The following PKHD1 variants were observed in gnomAD, a reference collection of about 807,000 sequenced individuals.
PKHD1 encodes the protein fibrocystin.
Under a neutral mutation model 412.0 loss-of-function variants are expected in PKHD1, and 291 were observed. That is an observed-to-expected ratio of 0.71 (90% confidence interval 0.64 to 0.78). The LOEUF (loss-of-function observed/expected upper bound fraction) is 0.78, where lower values mean the gene tolerates loss of function less well. Among genes scored for constraint, PKHD1 ranks in the 30% least tolerant of loss-of-function variants. The pLI, the probability that PKHD1 is intolerant of heterozygous loss-of-function variation, is 0.00. For missense variants in PKHD1, 4,825 were observed against 4,950.7 expected, an observed-to-expected ratio of 0.97 and a Z score of 0.76; for synonymous variants, 1,777 against 1,821.5, an observed-to-expected ratio of 0.98 and a Z score of 0.62.
Position 52,058,580 on chromosome 6 carries a change from C to T in PKHD1, c.1255G>A (p.Val419Ile), listed in dbSNP as rs138672830. 121 of 1,614,116 alleles carry T rather than the reference C, an allele frequency of 7.5e-5. No homozygotes were observed. The highest frequency in any genetic ancestry group is 7.5e-4 in the African/African-American group (56 of 75,046). ...RTKVKVASIS[V>I]GTADWFDSWE... ...GAGTCAAACCAGTCAGCAGTGCCGA[C>T]GCTGATGGAGGCCACTTTCACCTAT... is the stretch of plus-strand genomic sequence containing the variant. The change falls in exon 16 of 67, where the codon GTC (valine) becomes ATC (isoleucine). Residue 419 changes from valine to isoleucine, a missense_variant. Val to Ile is a conservative substitution (Grantham distance 29). Coordinates refer to ENST00000371117, the MANE Select transcript of PKHD1 (RefSeq NM_138694.4).
chr6:52,043,778 C>T, intron 25 of PKHD1, 48 bp from the exon 26 acceptor site: 2 of 1,281,308 alleles, frequency 1.6e-6, no homozygotes, highest in Non-Finnish European at 2.3e-6. Context: ...TTCATATCTA[C>T]CAGGGTATTC....
intron 64 of PKHD1, among the ~76,000 whole-genome samples, chr6:51,633,234 C>T (rs1259634625): frequency 2.0e-5 from 3 of 152,048 alleles, no homozygotes; most frequent in Non-Finnish European, 4.4e-5. Context: ...GATAGAACTG[C>T]CGGCCATGAA....
chr6:51,731,088 T>C (rs1783183226), intron 60 of PKHD1, among the ~76,000 whole-genome samples: 1 of 152,152 alleles, frequency 6.6e-6, no homozygotes, highest in Non-Finnish European at 1.5e-5. Context: ...ACCTGGCTAA[T>C]ACTTTTTGTT....
chr6:51,636,570 C>CAACA (rs1472236912), intron 64 of PKHD1, among the ~76,000 whole-genome samples: 1 of 149,388 alleles, frequency 6.7e-6, no homozygotes, highest in Non-Finnish European at 1.5e-5. Context: ...ACAACAACAA[C>CAACA]AACAAACACA....
chr6:51,920,814 T>A (rs189167011), intron 37 of PKHD1, among the ~76,000 whole-genome samples: 24 of 152,340 alleles, frequency 1.6e-4, no homozygotes, highest in African/African-American at 5.8e-4. Context: ...GTTATTGGTC[T>A]ATTCAGGGAT....
rs767000676 is a variant in PKHD1 at position 52,050,118 on chromosome 6, C to A, written c.2279+39G>T. 3.1e-6 allele frequency: 5 copies of A among 1,608,910 alleles called. No homozygotes were observed. In the South Asian group the frequency reaches 5.5e-5, roughly 18 times the overall value. ...GTGTCCCTCAAGGCCAACAAGCATT[C>A]TTAGGAGAAGGGACAGGTGTAAAAA... On this transcript the variant is annotated intron_variant, in intron 22 of 66. Coordinates refer to ENST00000371117, the MANE Select transcript of PKHD1 (RefSeq NM_138694.4).
At chr6:51,874,222 C>T (rs1278870107) in intron 46 of PKHD1, among the ~76,000 whole-genome samples, 1 of 152,140 alleles carries the variant, frequency 6.6e-6, no homozygotes, top group Non-Finnish European at 1.5e-5. Flanking sequence ...ACAACGAAGA[C>T]AGCCATCCTA....
intron 3 of PKHD1, 94 bp from the exon 4 acceptor site, chr6:52,082,636 C>T: frequency 7.9e-7 from 1 of 1,259,022 alleles, no homozygotes; most frequent in Non-Finnish European, 1.2e-6. Context: ...TAATGTAAGA[C>T]ATTAAATTTG....
chr6:52,031,779 G>A (rs549089919), intron 29 of PKHD1, among the ~76,000 whole-genome samples: 14 of 152,234 alleles, frequency 9.2e-5, no homozygotes, highest in Non-Finnish European at 1.6e-4. Flanking sequence ...ACGACACTTC[G>A]TGGATTTTAT....
At chr6:51,834,606 G>A (rs1326604) in intron 51 of PKHD1, among the ~76,000 whole-genome samples, 145,633 of 152,210 alleles carry the variant, frequency 0.96, 70,007 homozygotes, top group East Asian at 1. Flanking sequence ...ACTGTTTTAC[G>A]TAGAGCTACT....
At chr6:51,757,629 T>C (rs997091624) in intron 55 of PKHD1, among the ~76,000 whole-genome samples, 3 of 152,146 alleles carry the variant, frequency 2.0e-5, no homozygotes, top group Non-Finnish European at 4.4e-5. Context: ...ATGCTGTTTA[T>C]TGCCTTGTGA....
At chr6:52,029,217 A>C (rs62406026) in intron 29 of PKHD1, among the ~76,000 whole-genome samples, 7,966 of 132,776 alleles carry the variant, frequency 0.06, 285 homozygotes, top group East Asian at 0.12. Context: ...GCTATTAATA[A>C]TTACTAAAAA....
chr6:51,687,725 AATGTTCTTGTCATAACATG>A (rs569259464), intron 60 of PKHD1, among the ~76,000 whole-genome samples: 102 of 152,334 alleles, frequency 6.7e-4, no homozygotes, highest in African/African-American at 2.1e-3. Flanking sequence ...ATCTGTGTCT[AATGTTCTTGTCATAACATG>A]ATGTTCTTGT....
chr6:51,954,423 G>A (rs1358633317), intron 36 of PKHD1, among the ~76,000 whole-genome samples: 17 of 152,034 alleles, frequency 1.1e-4, no homozygotes, highest in Non-Finnish European at 2.4e-4. Flanking sequence ...GTTCTTTGTG[G>A]CTAGAAATAC....
At chr6:51,959,840 T>A (rs1254560180) in intron 36 of PKHD1, 30 bp downstream of exon 36, 1 of 1,592,498 alleles carries the variant, frequency 6.3e-7, no homozygotes, top group Non-Finnish European at 8.6e-7. Flanking sequence ...TCATATAGAA[T>A]AATATTACCA....
chr6:51,647,081 G>C (rs543271940), intron 63 of PKHD1, among the ~76,000 whole-genome samples: 49 of 152,068 alleles, frequency 3.2e-4, no homozygotes, highest in Non-Finnish European at 4.6e-4. Flanking sequence ...TAGTTATGAG[G>C]CTCCTTTGCC....
At chr6:51,978,390 A>G (rs2128014930) in intron 35 of PKHD1, among the ~76,000 whole-genome samples, 1 of 152,328 alleles carries the variant, frequency 6.6e-6, no homozygotes, top group South Asian at 2.1e-4. Flanking sequence ...TACCTCAGCC[A>G]GGGGCATTTC....
chr6:51,945,097 G>A (rs917839484), intron 36 of PKHD1, among the ~76,000 whole-genome samples: 2 of 152,148 alleles, frequency 1.3e-5, no homozygotes, highest in Admixed American at 1.3e-4. Flanking sequence ...CCCAGTGTGA[G>A]CAAGAAGGAA....
At chr6:52,063,002 T>G (rs760562349) in intron 13 of PKHD1, among the ~76,000 whole-genome samples, 2 of 152,176 alleles carry the variant, frequency 1.3e-5, no homozygotes, top group Non-Finnish European at 2.9e-5. Context: ...GTGACGTGGC[T>G]TGGCTTTGTG....
Sources: gnomAD v4.1 joint callset for allele counts (sites outside exome capture counted in the v4.1 genomes callset) on GRCh38, gnomAD v4.1.1 for gene constraint, MANE v1.5 for transcripts, NCBI Gene and HGNC (gene_info 2026-07-23, HGNC 2026-07-21) for gene names.